The following SAP30L variants were observed in gnomAD, a reference collection of about 807,000 sequenced individuals.
The protein encoded by SAP30L is histone deacetylase complex subunit SAP30L.
A neutral mutation model predicts 22.3 loss-of-function variants in SAP30L; 10 were observed. The ratio of observed to expected loss-of-function variants is 0.45; its 90% confidence interval spans 0.28 to 0.76. SAP30L has a LOEUF of 0.76. Ranked by LOEUF, SAP30L falls within the 30% of genes least tolerant of loss-of-function variation. The pLI is 0.14. For synonymous variants in SAP30L, 91 were observed against 94.1 expected (o/e 0.97, Z 0.19); for missense variants, 206 against 237.9 (o/e 0.87, Z 0.88).
At position 154,456,056 on chromosome 5, in the gene SAP30L, G is replaced by C; in HGVS notation, c.*28G>C. 6.2e-7 allele frequency: 1 copy of C among 1,608,410 alleles called. No individual in the cohort carries two copies. Among genetic ancestry groups the C allele is most frequent in the Non-Finnish European group, 8.5e-7 (1 of 1,177,490 alleles). On this transcript the variant is annotated 3_prime_UTR_variant, in exon 4 of 4. Coordinates refer to ENST00000297109, the MANE Select transcript of SAP30L (RefSeq NM_024632.6). ...ATGAAGCACATCTTAAAGGAATGAAGTGTAATGCTTGATGCACAGGTGATA... is the reference window on the plus strand; with the variant it reads ...ATGAAGCACATCTTAAAGGAATGAACTGTAATGCTTGATGCACAGGTGATA...
chr5:154,453,905 C>T (rs1261137656), intron 3 of SAP30L, among the ~76,000 whole-genome samples: 1 of 152,208 alleles, frequency 6.6e-6, no homozygotes, highest in Non-Finnish European at 1.5e-5. Context: ...GGGCTGACTG[C>T]AGCCCCAACC....
chr5:154,450,681 T>G (rs571586134), intron 1 of SAP30L, among the ~76,000 whole-genome samples: 1 of 152,266 alleles, frequency 6.6e-6, no homozygotes, highest in African/African-American at 2.4e-5. Flanking sequence ...ACTGACACTG[T>G]ACCCTGGGCC....
chr5:154,452,729 T>A (rs11747607), intron 2 of SAP30L, among the ~76,000 whole-genome samples: 8 of 146,800 alleles, frequency 5.4e-5, no homozygotes, highest in African/African-American at 1.0e-4. Flanking sequence ...AGCAAAGAGC[T>A]ATTTGAGGAT....
At chr5:154,450,122 A>C (rs1314720813) in intron 1 of SAP30L, among the ~76,000 whole-genome samples, 1 of 152,164 alleles carries the variant, frequency 6.6e-6, no homozygotes, top group African/African-American at 2.4e-5. Context: ...AACAACCCCA[A>C]GTCATTTGCT....
At chr5:154,449,319 T>C (rs563773775) in intron 1 of SAP30L, among the ~76,000 whole-genome samples, 1 of 151,718 alleles carries the variant, frequency 6.6e-6, no homozygotes, top group Admixed American at 6.6e-5. Context: ...GGAAAAGACA[T>C]GTACTGGGGG....
intron 2 of SAP30L, among the ~76,000 whole-genome samples, chr5:154,452,862 C>T (rs765340084): frequency 2.6e-5 from 4 of 152,128 alleles, no homozygotes; most frequent in Non-Finnish European, 5.9e-5. Flanking sequence ...ATCACTGCCC[C>T]TCCAAAGCTC....
chr5:154,452,420 T>C (rs996400579), intron 2 of SAP30L: 4 of 960,888 alleles, frequency 4.2e-6, no homozygotes, highest in Non-Finnish European at 3.7e-6. Context: ...TGAAGGACTT[T>C]GGCCCCTCAT....
At position 154,453,320 on chromosome 5, in the gene SAP30L, T is replaced by C. The variant is rs1757191169; in HGVS notation, c.325-82T>C. ...CTCCCCATCCTCACCCCTACCTTAG[T>C]GTAGTGCTAGGCACATAGTGGGCTC... On this transcript the variant is annotated intron_variant, in intron 2 of 3. Coordinates refer to ENST00000297109, the MANE Select transcript of SAP30L (RefSeq NM_024632.6). 6.6e-6 allele frequency: 6 copies of C among 914,246 alleles called. No individual in the cohort carries two copies. The East Asian group carries it at 9.6e-5, about 15-fold the overall frequency. 56.6% of individuals were successfully genotyped at this position (914,246 alleles called of 1,614,324 possible).
intron 3 of SAP30L, among the ~76,000 whole-genome samples, chr5:154,454,829 G>A (rs749799496): frequency 2.0e-5 from 3 of 152,150 alleles, no homozygotes; most frequent in African/African-American, 7.2e-5. Context: ...AACCTGATAT[G>A]TCTTTCAGGA....
chr5:154,454,733 A>G (rs1757228196), intron 3 of SAP30L, among the ~76,000 whole-genome samples: 1 of 152,212 alleles, frequency 6.6e-6, no homozygotes, highest in South Asian at 2.1e-4. Context: ...AAGGGAAAGA[A>G]TGAGGTGGGG....
chr5:154,454,217 C>G (rs907936250), intron 3 of SAP30L, among the ~76,000 whole-genome samples: 2 of 152,042 alleles, frequency 1.3e-5, no homozygotes, highest in African/African-American at 4.8e-5. Context: ...TTGATTTCTC[C>G]TACTCTGGTG....
chr5:154,451,395 T>G (rs1344823902), intron 2 of SAP30L, 182 bp downstream of exon 2: 1 of 651,304 alleles, frequency 1.5e-6, no homozygotes, highest in African/African-American at 1.8e-5. Context: ...GGACACCCAC[T>G]GGTCAGACTG....
At chr5:154,452,345 G>T (rs1057246335) in intron 2 of SAP30L, 10 of 293,074 alleles carry the variant, frequency 3.4e-5, no homozygotes, top group Non-Finnish European at 4.7e-5. Context: ...GGACGTATTC[G>T]ATTTCTAAGT....
rs1757312382 is a variant in SAP30L at position 154,458,658 on chromosome 5, G to A, written c.*2630G>A. 6.6e-6 allele frequency: 1 copy of A among 152,238 alleles called. No individual in the cohort carries two copies. The highest frequency in any genetic ancestry group is 6.5e-5 in the Admixed American group (1 of 15,284). The allele number at this position is 152,238 out of a possible 1,614,324, so 9.4% of individuals were successfully genotyped here. On this transcript the variant is annotated 3_prime_UTR_variant, in exon 4 of 4. Transcript: ENST00000297109. ...AGAACTGGCGTTGTCTTCTTAAAGA[G>A]TATGGTTCCTGCCTCAGTTCCAGCC...
Position 154,456,107 on chromosome 5 carries a change from C to CT in SAP30L, c.*80dup. ...TCTACTACATTTAAGCCCATAAAGA[C>CT]TGTTAAATATTATTGTAAATAAAAA... On this transcript the variant is annotated 3_prime_UTR_variant, in exon 4 of 4. Coordinates refer to ENST00000297109, the MANE Select transcript of SAP30L (RefSeq NM_024632.6). 1 of 1,426,252 alleles carries CT rather than the reference C, an allele frequency of 7.0e-7. No individual in the cohort carries two copies. Among genetic ancestry groups the CT allele is most frequent in the Non-Finnish European group, 9.4e-7 (1 of 1,059,364 alleles). 88.3% of individuals were successfully genotyped at this position (1,426,252 alleles called of 1,614,324 possible).
rs961893845 is a variant in SAP30L at position 154,456,593 on chromosome 5, C to T, written c.*565C>T. On this transcript the variant is annotated 3_prime_UTR_variant, in exon 4 of 4. Coordinates refer to ENST00000297109, the MANE Select transcript of SAP30L (RefSeq NM_024632.6). The stretch of plus-strand genomic sequence containing the variant: ...AGTAGGTATTGGCTAATTGAGCTGT[C>T]ACTAATAGTGCCAGCCTTGTAACAT... 1 of 152,584 alleles carries T rather than the reference C, an allele frequency of 6.6e-6. No individual in the cohort carries two copies. Among genetic ancestry groups the T allele is most frequent in the African/African-American group, 2.4e-5 (1 of 41,456 alleles). The allele number at this position is 152,584 out of a possible 1,614,324, so 9.5% of individuals were successfully genotyped here. A position where few individuals can be genotyped will look rare whatever the true frequency, so the allele number is the denominator to read the frequency against.
Position 154,455,906 on chromosome 5 carries a change from A to C in SAP30L, c.430A>C (p.Ser144Arg), listed in dbSNP as rs1328739851. ...FNKAQLAETV[S>R]RHFRNIPVNE... ...GTATTTTCCCCCCACATAGACTGTG[A>C]GTCGACACTTCAGGAACATACCTGT... The change falls in exon 4 of 4, where the codon AGT becomes CGT. Residue 144 changes from serine to arginine, a missense_variant. Ser to Arg is a moderately radical substitution (Grantham distance 110). This residue lies in a region of SAP30L where 136 missense variants were observed against 187.4 expected (regional missense o/e 0.73). Coordinates refer to ENST00000297109, the MANE Select transcript of SAP30L (RefSeq NM_024632.6). 1.9e-6 allele frequency: 3 copies of C among 1,611,262 alleles called. No individual in the cohort carries two copies. Among genetic ancestry groups the C allele is most frequent in the Non-Finnish European group, 1.7e-6 (2 of 1,179,196 alleles).
At chr5:154,452,144 G>A (rs1011458184) in intron 2 of SAP30L, among the ~76,000 whole-genome samples, 4 of 152,134 alleles carry the variant, frequency 2.6e-5, no homozygotes, top group Admixed American at 1.3e-4. Context: ...TAAGGCAACC[G>A]CCTGTTAGCA....
At chr5:154,450,678 C>T (rs1056841947) in intron 1 of SAP30L, among the ~76,000 whole-genome samples, 1 of 152,184 alleles carries the variant, frequency 6.6e-6, no homozygotes, top group African/African-American at 2.4e-5. Context: ...CCAACTGACA[C>T]TGTACCCTGG....
Sources: gnomAD v4.1 joint callset for allele counts (sites outside exome capture counted in the v4.1 genomes callset) on GRCh38, gnomAD v4.1.1 for gene constraint, gnomAD v4.1.1 regional missense constraint, MANE v1.5 for transcripts, NCBI Gene and HGNC (gene_info 2026-07-23, HGNC 2026-07-21) for gene names.